Variants in DEPDC1 observed in about 807,000 individuals in gnomAD.
DEPDC1 encodes the protein DEP domain-containing protein 1A.
A neutral mutation model predicts 86.8 loss-of-function variants in DEPDC1; 66 were observed. The observed-to-expected ratio is 0.76, with a 90% CI of 0.62 to 0.93. The LOEUF is 0.93. Ranked by LOEUF, DEPDC1 falls within the 40% of genes least tolerant of loss-of-function variation. DEPDC1 has a pLI of 0.00. For missense variants in DEPDC1, 792 were observed against 935.7 expected (o/e 0.85, Z 2.00); for synonymous variants, 255 against 314.9 (o/e 0.81, Z 2.02).
chr1:68,477,179 G>A lies in DEPDC1; in HGVS notation c.2299-110C>T. On this transcript the variant is annotated intron_variant, in intron 11 of 11. Transcript: ENST00000456315. ...GTTTTTCTCAAAGACGTAGTATAGA[G>A]ATTAGTATCCTTTCATTTTATCCTT... The A allele has an allele frequency of 7.3e-6, 6 of 819,760 alleles. No individual in the cohort carries two copies. In the East Asian group the frequency reaches 8.2e-5, roughly 11 times the overall value. 50.8% of individuals were successfully genotyped at this position (819,760 alleles called of 1,614,324 possible).
rs890621786 is a variant in DEPDC1 at position 68,482,331 on chromosome 1, C to A, written c.1477G>T (p.Asp493Tyr). 1 of 1,612,800 alleles carries A rather than the reference C, an allele frequency of 6.2e-7. No individual in the cohort carries two copies. The highest frequency in any genetic ancestry group is 2.2e-5 in the East Asian group (1 of 44,854). ...FKRTSTLTVQDQEELCNGKCK... is the reference protein window; with the variant it reads ...FKRTSTLTVQYQEELCNGKCK... Reference sequence around the variant, plus strand: ...TTCCCATTACACAACTCCTCTTGGTCTTGAACAGTCAAAGTAGAGGTTCTC... The same window carrying A: ...TTCCCATTACACAACTCCTCTTGGTATTGAACAGTCAAAGTAGAGGTTCTC... Residue 493 changes from aspartate to tyrosine, a missense_variant, in exon 8 of 12, where the codon GAC (aspartate) becomes TAC (tyrosine). Coordinates refer to ENST00000456315, the MANE Select transcript of DEPDC1 (RefSeq NM_001114120.3).
At chr1:68,480,583 A>C (rs550581222) in intron 9 of DEPDC1, among the ~76,000 whole-genome samples, 2 of 152,028 alleles carry the variant, frequency 1.3e-5, no homozygotes, top group Admixed American at 6.6e-5. Flanking sequence ...CTGTTGGACA[A>C]ATTTCAATTT....
intron 6 of DEPDC1, among the ~76,000 whole-genome samples, chr1:68,486,520 CT>C (rs1015864444): frequency 2.5e-4 from 38 of 150,996 alleles, no homozygotes; most frequent in Admixed American, 9.9e-4. Context: ...GACAGATAAT[CT>C]TTTTTTTTCA....
chr1:68,479,235 A>C lies in DEPDC1; in HGVS notation c.2021T>G (p.Phe674Cys). The change falls in exon 10 of 12, where the codon TTC becomes TGC. Residue 674 changes from phenylalanine to cysteine, a missense_variant. By Grantham distance (205) the Phe-to-Cys change is radical. Coordinates refer to ENST00000456315, the MANE Select transcript of DEPDC1 (RefSeq NM_001114120.3). The part of the protein sequence containing the change: ...DELLAGRLVS[F>C]LMDHHQEILQ... ...AATTTCCTGATGATGATCCATTAAG[A>C]AAGAAACTAATCTTCCAGCAAGAAG... The C allele has an allele frequency of 6.2e-7, 1 of 1,612,706 alleles. No homozygotes were observed. Among genetic ancestry groups the C allele is most frequent in the Non-Finnish European group, 8.5e-7 (1 of 1,179,246 alleles).
chr1:68,489,159 A>G, intron 3 of DEPDC1, 125 bp from the exon 4 acceptor site: 2 of 676,674 alleles, frequency 3.0e-6, no homozygotes, highest in Non-Finnish European at 2.5e-6. Context: ...GAAATAATGT[A>G]ATATGGTAAT....
intron 10 of DEPDC1, among the ~76,000 whole-genome samples, chr1:68,478,183 G>A (rs1646130372): frequency 6.6e-6 from 1 of 151,904 alleles, no homozygotes; most frequent in Non-Finnish European, 1.5e-5. Context: ...ATTCAACAAT[G>A]TATTTAACTT....
In DEPDC1 at chr1:68,475,085, T is replaced by C. The variant is rs1314540097; in HGVS notation, c.*1847A>G. ...TCCTCGCAATCCTAAAAAGAGGTACTATTATAATATTCATTTTATAGATAA... is the reference window on the plus strand; with the variant it reads ...TCCTCGCAATCCTAAAAAGAGGTACCATTATAATATTCATTTTATAGATAA... On this transcript the variant is annotated 3_prime_UTR_variant, in exon 12 of 12. Transcript: ENST00000456315. 1 of 152,026 alleles carries C rather than the reference T, an allele frequency of 6.6e-6. No individual in the cohort carries two copies. Among genetic ancestry groups the C allele is most frequent in the East Asian group, 1.9e-4 (1 of 5,196 alleles). 9.4% of individuals were successfully genotyped at this position (152,026 alleles called of 1,614,324 possible). A position where few individuals can be genotyped will look rare whatever the true frequency, so the allele number is the denominator to read the frequency against.
chr1:68,477,709 G>T, intron 11 of DEPDC1, 78 bp downstream of exon 11: 1 of 927,326 alleles, frequency 1.1e-6, no homozygotes, highest in Non-Finnish European at 1.5e-6. Flanking sequence ...TAAGAAAGTA[G>T]ATTCTAAATG....
chr1:68,482,900 A>T lies in DEPDC1; in HGVS notation c.911-3T>A, dbSNP rs780526610. The T allele has an allele frequency of 1.3e-6, 2 of 1,547,934 alleles. No homozygotes were observed. Among genetic ancestry groups the T allele is most frequent in the African/African-American group, 2.8e-5 (2 of 71,988 alleles). ...AACTGTGATGTAGCCACAAACAACT[A>T]CCAGGAAATGAAACAAAAATTAAGA... On this transcript the variant is annotated splice_polypyrimidine_tract_variant and splice_region_variant and intron_variant, in intron 7 of 11. Coordinates refer to ENST00000456315, the MANE Select transcript of DEPDC1 (RefSeq NM_001114120.3).
At position 68,479,243 on chromosome 1, in the gene DEPDC1, T is replaced by TA. The variant is rs1345470453; in HGVS notation, c.2012dup (p.Leu671PhefsTer28). ...GATGATGATCCATTAAGAAAGAAAC[T>TA]AATCTTCCAGCAAGAAGCTCATCAA... On this transcript the variant is annotated frameshift_variant, in exon 10 of 12. Coordinates refer to ENST00000456315, the MANE Select transcript of DEPDC1 (RefSeq NM_001114120.3). LOFTEE classifies it high-confidence loss of function. The TA allele has an allele frequency of 2.5e-6, 4 of 1,612,640 alleles. No homozygotes were observed. Among genetic ancestry groups the TA allele is most frequent in the Non-Finnish European group, 3.4e-6 (4 of 1,179,170 alleles).
intron 9 of DEPDC1, among the ~76,000 whole-genome samples, chr1:68,479,807 G>GAGAAAAAAA (rs1646141831): frequency 9.2e-6 from 1 of 108,844 alleles, no homozygotes; most frequent in Non-Finnish European, 2.0e-5. Flanking sequence ...TGTGTAACCA[G>GAGAAAAAAA]AAAAAAAAAA....
chr1:68,476,973 T>C lies in DEPDC1; in HGVS notation c.2395A>G (p.Met799Val), dbSNP rs1264363349. The change falls in exon 12 of 12, where the codon ATG (methionine) becomes GTG (valine). Residue 799 changes from methionine to valine, a missense_variant. Physicochemically the swap from Met to Val is conservative, Grantham distance 21 (BLOSUM62 1). Transcript: ENST00000456315. Reference sequence around the variant, plus strand: ...AACTTTGGTTTTCTTAAAATCAGCATTGGTTGCTTGATTGTAGGTTTGTCA... The same window carrying C: ...AACTTTGGTTTTCTTAAAATCAGCACTGGTTGCTTGATTGTAGGTTTGTCA... Reference protein sequence around the residue: ...FGDKPTIKQPMLILRKPKFRS... With the variant: ...FGDKPTIKQPVLILRKPKFRS... 3.1e-6 allele frequency: 5 copies of C among 1,605,338 alleles called. No homozygotes were observed. The highest frequency in any genetic ancestry group is 2.7e-5 in the African/African-American group (2 of 74,580).
intron 6 of DEPDC1, among the ~76,000 whole-genome samples, chr1:68,484,956 T>TA (rs1553156034): frequency 5.6e-4 from 71 of 126,002 alleles, no homozygotes; most frequent in Non-Finnish European, 1.1e-3. Context: ...ATATATATAT[T>TA]TTTTAAAGAT....
chr1:68,488,281 T>C lies in DEPDC1; in HGVS notation c.721+93A>G, dbSNP rs191051529. ...CCCCTCTGATGCTCCATGAAAGTAT[T>C]CTACTTTCAATATTTGGGTCTCTCT... On this transcript the variant is annotated intron_variant, in intron 5 of 11. Coordinates refer to ENST00000456315, the MANE Select transcript of DEPDC1 (RefSeq NM_001114120.3). The C allele has an allele frequency of 3.5e-4, 406 of 1,172,120 alleles. 1 individual carries two copies. The Middle Eastern group carries it at 6.8e-3, about 20-fold the overall frequency. 72.6% of individuals were successfully genotyped at this position (1,172,120 alleles called of 1,614,324 possible).
rs1646119376 is a variant in DEPDC1 at position 68,476,932 on chromosome 1, TTATC to T, written c.2432_2435del (p.Arg811AsnfsTer2). ...ATTACATAATTTTTAATTCAGTTAG[TTATC>T]TTAGACTACGGAACTTTGGTTTTCT... On this transcript the variant is annotated frameshift_variant and stop_lost, in exon 12 of 12. Coordinates refer to ENST00000456315, the MANE Select transcript of DEPDC1 (RefSeq NM_001114120.3). LOFTEE classifies it high-confidence loss of function. 3.8e-6 allele frequency: 6 copies of T among 1,577,330 alleles called. No homozygotes were observed. The highest frequency in any genetic ancestry group is 1.4e-5 in the African/African-American group (1 of 73,494).
chr1:68,484,617 G>A (rs924171354), intron 6 of DEPDC1, among the ~76,000 whole-genome samples: 1 of 151,844 alleles, frequency 6.6e-6, no homozygotes, highest in African/African-American at 2.4e-5. Flanking sequence ...TCATTTTATA[G>A]ATAAGAAAAC....
rs762858964 is a variant in DEPDC1 at position 68,482,471 on chromosome 1, G to A, written c.1337C>T (p.Pro446Leu). Residue 446 changes from proline (P) to leucine (L), a missense_variant, in exon 8 of 12, where the codon CCG becomes CTG. By Grantham distance (98) the Pro-to-Leu change is moderately conservative. Transcript: ENST00000456315. ...EASSVFHQSFPNIEGQNNKLF... is the reference protein window; with the variant it reads ...EASSVFHQSFLNIEGQNNKLF... ...TTTATTATTTTGTCCTTCTATGTTC[G>A]GAAAAGATTGATGAAAGACACTGGA... 2.8e-5 allele frequency: 45 copies of A among 1,612,712 alleles called. No individual in the cohort carries two copies. Among genetic ancestry groups the A allele is most frequent in the Non-Finnish European group, 3.5e-5 (41 of 1,179,256 alleles).
In DEPDC1 at chr1:68,477,806, T is replaced by C; in HGVS notation, c.2279A>G (p.Lys760Arg). The C allele has an allele frequency of 6.6e-7, 1 of 1,516,328 alleles. No individual in the cohort carries two copies. Among genetic ancestry groups the C allele is most frequent in the Middle Eastern group, 1.8e-4 (1 of 5,686 alleles). The allele number at this position is 1,516,328 out of a possible 1,614,324, so 93.9% of individuals were successfully genotyped here. ...IKNRSLPLKE[K>R]RKKLKQFQKE... ...TCTTACCTGTTTTAGTTTTTTTCTTTTCTCCTTTAGAGGTAAACTCCTGTT... is the reference window on the plus strand; with the variant it reads ...TCTTACCTGTTTTAGTTTTTTTCTTCTCTCCTTTAGAGGTAAACTCCTGTT... Residue 760 changes from lysine to arginine, a missense_variant, in exon 11 of 12, where the codon AAA becomes AGA. Transcript: ENST00000456315.
intron 8 of DEPDC1, 138 bp from the exon 9 acceptor site, chr1:68,481,750 C>A: frequency 2.7e-6 from 2 of 736,672 alleles, no homozygotes; most frequent in Non-Finnish European, 4.1e-6. Flanking sequence ...AATTACGTTC[C>A]TCTAAAGCAT....
Sources: gnomAD v4.1 joint callset for allele counts (sites outside exome capture counted in the v4.1 genomes callset) on GRCh38, gnomAD v4.1.1 for gene constraint, MANE v1.5 for transcripts, NCBI Gene and HGNC (gene_info 2026-07-23, HGNC 2026-07-21) for gene names.